ACHE: variants seen among roughly 807,000 people sequenced by gnomAD.
ACHE encodes acetylcholinesterase (Yt blood group).
A neutral mutation model predicts 53.9 loss-of-function variants in ACHE; 19 were observed. The observed-to-expected ratio is 0.35, with a 90% confidence interval of 0.25 to 0.52. ACHE has a LOEUF of 0.52. Ranked by LOEUF, ACHE falls within the 20% of genes least tolerant of loss-of-function variation. ACHE has a pLI of 0.95. For synonymous variants in ACHE, 392 were observed against 378.1 expected (o/e 1.04, Z -0.43); for missense variants, 605 against 849.4 (o/e 0.71, Z 3.58).
In ACHE at chr7:100,891,021, G is replaced by A. The variant is rs763956991; in HGVS notation, c.1723+148C>T. On this transcript the variant is annotated intron_variant, in intron 4 of 4. Coordinates refer to ENST00000241069, the MANE Select transcript of ACHE (RefSeq NM_000665.5). ...GCTGGTGGAGGAGGAGGAGGGGCAGGGGGAGGCCGGGCCTCGGAGCAGCCT... is the reference window on the plus strand; with the variant it reads ...GCTGGTGGAGGAGGAGGAGGGGCAGAGGGAGGCCGGGCCTCGGAGCAGCCT... 3 of 1,456,664 alleles carry A rather than the reference G, an allele frequency of 2.1e-6. No individual in the cohort carries two copies. In the East Asian group the frequency reaches 7.6e-5, roughly 37 times the overall value. 90.2% of individuals were successfully genotyped at this position (1,456,664 alleles called of 1,614,324 possible). A position where few individuals can be genotyped will look rare whatever the true frequency, so the allele number is the denominator to read the frequency against.
At chr7:100,895,623 C>A (rs997480317) in intron 1 of ACHE, among the ~76,000 whole-genome samples, 179 bp downstream of exon 1, 2 of 152,164 alleles carry the variant, frequency 1.3e-5, no homozygotes, top group African/African-American at 4.8e-5. Context: ...GCGTGGGCGT[C>A]GGTGAGTGTG....
At position 100,894,153 on chromosome 7, in the gene ACHE, C is replaced by G. The variant is rs777475140; in HGVS notation, c.80G>C (p.Gly27Ala). ...CTCCCGGCCCTCAGCCCCCACTCCT[C>G]CACCCAGGAGCCAGAGGAGGAGGAG... ...LLLLLLWLLG[G>A]GVGAEGREDA... is the part of the protein sequence containing the mutation. Residue 27 changes from glycine (G) to alanine (A), a missense_variant, in exon 2 of 5, where the codon GGA becomes GCA. Transcript: ENST00000241069. 14 of 1,487,718 alleles carry G rather than the reference C, an allele frequency of 9.4e-6. No homozygotes were observed. The highest frequency in any genetic ancestry group is 1.9e-4 in the Middle Eastern group (1 of 5,232). 92.2% of individuals were successfully genotyped at this position (1,487,718 alleles called of 1,614,324 possible). A position where few individuals can be genotyped will look rare whatever the true frequency, so the allele number is the denominator to read the frequency against.
intron 4 of ACHE, chr7:100,890,901 C>A: frequency 1.4e-6 from 2 of 1,467,084 alleles, no homozygotes; most frequent in East Asian, 2.4e-5. Flanking sequence ...CCCTTCCCCA[C>A]GGTCCGACCA....
chr7:100,893,267 T>C lies in ACHE; in HGVS notation c.966A>G (p.Gln322=), dbSNP rs1253220455. Residue 322 remains glutamine, a synonymous_variant, in exon 2 of 5, where the codon CAA becomes CAG. Coordinates refer to ENST00000241069, the MANE Select transcript of ACHE (RefSeq NM_000665.5). ...LVNHEWHVLP[Q]ESVFRFSFVP... ...CGAAGGAGAACCGGAAGACGCTTTCTTGAGGCAGCACGTGCCATTCGTGGT... is the reference window on the plus strand; with the variant it reads ...CGAAGGAGAACCGGAAGACGCTTTCCTGAGGCAGCACGTGCCATTCGTGGT... The C allele has an allele frequency of 6.2e-7, 1 of 1,614,086 alleles. No individual in the cohort carries two copies. Among genetic ancestry groups the C allele is most frequent in the South Asian group, 1.1e-5 (1 of 91,090 alleles).
chr7:100,892,960 G>A lies in ACHE; in HGVS notation c.1069-142C>T, dbSNP rs969254824. ...GGACAGAGAGAGGACGAGATCAGGG[G>A]AGGGATGCAGAGAAAGAGAAAATAG... On this transcript the variant is annotated intron_variant, in intron 2 of 4. Transcript: ENST00000241069. This position sits in a 1 kb window ranked among gnomAD's most constrained non-coding sequence, Gnocchi z 5.2. 6 of 1,262,674 alleles carry A rather than the reference G, an allele frequency of 4.8e-6. No homozygotes were observed. Among genetic ancestry groups the A allele is most frequent in the African/African-American group, 4.5e-5 (3 of 66,234 alleles). 78.2% of individuals were successfully genotyped at this position (1,262,674 alleles called of 1,614,324 possible).
chr7:100,895,564 G>A (rs1196013589), intron 1 of ACHE, among the ~76,000 whole-genome samples: 1 of 152,178 alleles, frequency 6.6e-6, no homozygotes, highest in Admixed American at 6.5e-5. Context: ...GGGTCCCCGC[G>A]GGAATCGGAG....
chr7:100,890,569 A>C, intron 4 of ACHE: 2 of 1,384,400 alleles, frequency 1.4e-6, no homozygotes. Flanking sequence ...GAGGAGGAGA[A>C]AAGAATGACC....
chr7:100,890,943 G>C (rs1390427577), intron 4 of ACHE: 25 of 1,470,636 alleles, frequency 1.7e-5, no homozygotes, highest in Non-Finnish European at 2.1e-5. Context: ...GTGGCCGTAG[G>C]GGAAGAGGCC....
chr7:100,894,060 C>G lies in ACHE; in HGVS notation c.173G>C (p.Gly58Ala). Residue 58 changes from glycine to alanine, a missense_variant, in exon 2 of 5, where the codon GGC becomes GCC. Gly to Ala is a moderately conservative substitution (Grantham distance 60). Coordinates refer to ENST00000241069, the MANE Select transcript of ACHE (RefSeq NM_000665.5). ...GATGCCCAGGAAAGCAGAGACAGGG[C>G]CCCCGGGGGTCTTCAGGCGAATGCC... ...LRGIRLKTPG[G>A]PVSAFLGIPF... 3 of 1,569,168 alleles carry G rather than the reference C, an allele frequency of 1.9e-6. No homozygotes were observed. The highest frequency in any genetic ancestry group is 2.6e-6 in the Non-Finnish European group (3 of 1,158,740).
Position 100,894,119 on chromosome 7 carries a change from C to G in ACHE, c.114G>C (p.Glu38Asp). Residue 38 changes from glutamate to aspartate, a missense_variant, in exon 2 of 5, where the codon GAG (glutamate) becomes GAC (aspartate). Around this residue, in one of 4 missense-constraint regions of ACHE, gnomAD observed 89 missense variants for 78.9 expected, o/e 1.13. Transcript: ENST00000241069. ...GVGAEGREDA[E>D]LLVTVRGGRL... Reference sequence around the variant, plus strand: ...GGCCCCCACGCACCGTCACCAGCAGCTCTGCATCCTCCCGGCCCTCAGCCC... The same window carrying G: ...GGCCCCCACGCACCGTCACCAGCAGGTCTGCATCCTCCCGGCCCTCAGCCC... 1 of 1,500,352 alleles carries G rather than the reference C, an allele frequency of 6.7e-7. No homozygotes were observed. The highest frequency in any genetic ancestry group is 8.9e-7 in the Non-Finnish European group (1 of 1,128,148). The allele number at this position is 1,500,352 out of a possible 1,614,324, so 92.9% of individuals were successfully genotyped here. A position where few individuals can be genotyped will look rare whatever the true frequency, so the allele number is the denominator to read the frequency against.
chr7:100,893,431 C>T lies in ACHE; in HGVS notation c.802G>A (p.Ala268Thr), dbSNP rs751241384. ...CGGGCCTCTCCCATGCCCACCGTGG[C>T]CCAGGGTCCATTGGGGGCACCGCTC... ...LQSGAPNGPW[A>T]TVGMGEARRR... The change falls in exon 2 of 5, where the codon GCC (alanine) becomes ACC (threonine). Residue 268 changes from alanine to threonine, a missense_variant. Physicochemically the swap from Ala to Thr is moderately conservative, Grantham distance 58. This residue lies in a region of ACHE where 397 missense variants were observed against 632.5 expected (regional missense o/e 0.63). Coordinates refer to ENST00000241069, the MANE Select transcript of ACHE (RefSeq NM_000665.5). The T allele has an allele frequency of 2.5e-6, 4 of 1,609,542 alleles. No homozygotes were observed. The highest frequency in any genetic ancestry group is 3.4e-6 in the Non-Finnish European group (4 of 1,179,380).
upstream of ACHE, chr7:100,896,702 T>C: frequency 3.2e-6 from 1 of 310,790 alleles, no homozygotes; most frequent in Non-Finnish European, 6.8e-6. Flanking sequence ...CAGGGTCCGG[T>C]CGGGGCATGA....
chr7:100,891,402 G>T, intron 3 of ACHE, 64 bp from the exon 4 acceptor site: 1 of 1,461,472 alleles, frequency 6.8e-7, no homozygotes, highest in Non-Finnish European at 9.1e-7. Context: ...CCAACTCCAC[G>T]GGATCCCGGA....
At chr7:100,890,655 C>T (rs1790620781) in intron 4 of ACHE, 1 of 1,376,212 alleles carries the variant, frequency 7.3e-7, no homozygotes, top group Non-Finnish European at 9.4e-7. Flanking sequence ...ACCGTTATAG[C>T]CCCAATGGGG....
Position 100,893,716 on chromosome 7 carries a change from C to T in ACHE, c.517G>A (p.Glu173Lys). Residue 173 changes from glutamate (E) to lysine (K), a missense_variant, in exon 2 of 5, where the codon GAG becomes AAG. Physicochemically the swap from Glu to Lys is moderately conservative, Grantham distance 56. Coordinates refer to ENST00000241069, the MANE Select transcript of ACHE (RefSeq NM_000665.5). ...VYDGRFLVQA[E>K]RTVLVSMNYR... is the part of the protein sequence containing the mutation. ...TTCATGGACACCAGCACAGTCCTCTCGGCCTGTACCAAGAAGCGGCCATCG... is the reference window on the plus strand; with the variant it reads ...TTCATGGACACCAGCACAGTCCTCTTGGCCTGTACCAAGAAGCGGCCATCG... The T allele has an allele frequency of 2.5e-6, 4 of 1,613,490 alleles. No homozygotes were observed. Among genetic ancestry groups the T allele is most frequent in the Non-Finnish European group, 3.4e-6 (4 of 1,180,026 alleles).
At position 100,891,264 on chromosome 7, in the gene ACHE, C is replaced by A; in HGVS notation, c.1628G>T (p.Ser543Ile). ...CACCTCCAGCGGCCGCAGGTCCAGA[C>A]TAACGTACTGCTGAGCCCCCGCCGT... ...PYTAGAQQYV[S>I]LDLRPLEVRR... Residue 543 changes from serine to isoleucine, a missense_variant, in exon 4 of 5, where the codon AGT becomes ATT. Transcript: ENST00000241069. 6.2e-7 allele frequency: 1 copy of A among 1,610,938 alleles called. No individual in the cohort carries two copies. The highest frequency in any genetic ancestry group is 8.5e-7 in the Non-Finnish European group (1 of 1,179,566).
At position 100,890,204 on chromosome 7, in the gene ACHE, C is replaced by T; in HGVS notation, c.*10G>A. The T allele has an allele frequency of 6.2e-7, 1 of 1,613,612 alleles. No homozygotes were observed. The highest frequency in any genetic ancestry group is 8.5e-7 in the Non-Finnish European group (1 of 1,179,600). On this transcript the variant is annotated 3_prime_UTR_variant, in exon 5 of 5. Transcript: ENST00000241069. ...CGGGCGGAGCGGAGGACATGGGGGT[C>T]CCGCCGGGGTCACAGGTCTGAGCAG...
chr7:100,895,918 C>T (rs1309784356), upstream of ACHE: 1 of 149,840 alleles, frequency 6.7e-6, no homozygotes, highest in African/African-American at 2.4e-5. Context: ...CCGCACACAC[C>T]CCCTCCGGGC....
At position 100,894,217 on chromosome 7, in the gene ACHE, A is replaced by G; in HGVS notation, c.16T>C (p.Cys6Arg). The change falls in exon 2 of 5, where the codon TGT becomes CGT. Residue 6 changes from cysteine to arginine, a missense_variant. Cys to Arg is a radical substitution (Grantham distance 180). Transcript: ENST00000241069. ...GCCAGGGAAGGCGTGTGCAGCAGAC[A>G]CTGCGGGGGCCTCATGGCTGCAGGG... MRPPQ[C>R]LLHTPSLASP... 1 of 1,454,202 alleles carries G rather than the reference A, an allele frequency of 6.9e-7. No individual in the cohort carries two copies. The highest frequency in any genetic ancestry group is 1.9e-4 in the Middle Eastern group (1 of 5,216). 90.1% of individuals were successfully genotyped at this position (1,454,202 alleles called of 1,614,324 possible). A position where few individuals can be genotyped will look rare whatever the true frequency, so the allele number is the denominator to read the frequency against.
Sources: allele counts gnomAD v4.1 joint callset (sites outside exome capture counted in the v4.1 genomes callset), GRCh38; gene constraint gnomAD v4.1.1; regional missense constraint gnomAD v4.1.1; non-coding constraint Gnocchi (gnomAD v3.1); transcripts MANE v1.5; gene names NCBI Gene and HGNC (gene_info 2026-07-23, HGNC 2026-07-21).